CCDC80: variants seen among roughly 807,000 people sequenced by gnomAD.
CCDC80 encodes coiled-coil domain-containing protein 80.
CCDC80 carries 49 observed loss-of-function variants against 78.7 expected under a neutral mutation model. That is an observed-to-expected ratio of 0.62 (90% CI 0.50 to 0.79). CCDC80 has a LOEUF of 0.79. Among genes scored for constraint, CCDC80 ranks in the 30% least tolerant of loss-of-function variants. CCDC80 has a pLI of 0.00. For missense variants in CCDC80, 1,205 were observed against 1,198.6 expected, an observed-to-expected ratio of 1.01 and a Z score of -0.08; for synonymous variants, 488 against 447.0, an observed-to-expected ratio of 1.09 and a Z score of -1.16.
At chr3:112,618,905 A>G in intron 4 of CCDC80, 63 bp downstream of exon 4, 2 of 1,548,818 alleles carry the variant, frequency 1.3e-6, no homozygotes, top group Non-Finnish European at 1.8e-6. Flanking sequence ...ACTGTTTAAC[A>G]AAACAATTCA....
rs754350343 is a variant in CCDC80 at position 112,610,223 on chromosome 3, C to T, written c.2322-142G>A. 17 of 703,904 alleles carry T rather than the reference C, an allele frequency of 2.4e-5. No individual in the cohort carries two copies. The African/African-American group carries it at 2.9e-4, about 12-fold the overall frequency. The allele number at this position is 703,904 out of a possible 1,614,324, so 43.6% of individuals were successfully genotyped here. On this transcript the variant is annotated intron_variant, in intron 5 of 7. Coordinates refer to ENST00000206423, the MANE Select transcript of CCDC80 (RefSeq NM_199511.3). ...GAAAAAAACAGAGAACTGTCCCATG[C>T]TTCTCAAAGCCATTAAACTGCATTG...
intron 3 of CCDC80, 80 bp from the exon 4 acceptor site, chr3:112,619,184 G>T: frequency 1.5e-6 from 2 of 1,293,558 alleles, no homozygotes; most frequent in Non-Finnish European, 2.1e-6. Context: ...AAGGCTTTGG[G>T]CCTAATCACA....
At chr3:112,610,915 C>CTTTTTTT (rs11379147) in intron 5 of CCDC80, among the ~76,000 whole-genome samples, 2 of 123,286 alleles carry the variant, frequency 1.6e-5, no homozygotes, top group Non-Finnish European at 3.3e-5. Flanking sequence ...TTCTTTCTTT[C>CTTTTTTT]TTTTTTTTTT....
chr3:112,627,006 T>C (rs1022381160), intron 3 of CCDC80, among the ~76,000 whole-genome samples: 3 of 152,178 alleles, frequency 2.0e-5, no homozygotes, highest in African/African-American at 4.8e-5. Context: ...TCAAAAAACT[T>C]CCCTTGCCCT....
At chr3:112,605,868 G>A (rs1243646210) in intron 7 of CCDC80, 105 bp from the exon 8 acceptor site, 2 of 902,112 alleles carry the variant, frequency 2.2e-6, no homozygotes, top group Admixed American at 2.9e-5. Context: ...GGACCCATGA[G>A]CCTCTTCTCT....
chr3:112,624,731 A>G (rs1380407938), intron 3 of CCDC80, among the ~76,000 whole-genome samples: 1 of 152,204 alleles, frequency 6.6e-6, no homozygotes, highest in East Asian at 1.9e-4. Flanking sequence ...GATTGACTCC[A>G]TCAAATCTTA....
chr3:112,633,467 A>T (rs1422117186), intron 2 of CCDC80, among the ~76,000 whole-genome samples: 1 of 152,046 alleles, frequency 6.6e-6, no homozygotes, highest in East Asian at 1.9e-4. Flanking sequence ...TTACTATATA[A>T]CTGTCACATC....
rs750165764 is a variant in CCDC80, at chr3:112,639,552, G to C, written c.354C>G (p.Ile118Met). ...ACCGAGCTGAGGACCCCTCATCTCT[G>C]ATCATCTCACGCGGAGAGCCCCTGG... ...PAARGSPREM[I>M]RDEGSSARSR... is the part of the protein sequence containing the mutation. Residue 118 changes from isoleucine to methionine, a missense_variant, in exon 2 of 8, where the codon ATC becomes ATG. Ile to Met is a conservative substitution (Grantham distance 10). Coordinates refer to ENST00000206423, the MANE Select transcript of CCDC80 (RefSeq NM_199511.3). The C allele has an allele frequency of 6.2e-7, 1 of 1,614,178 alleles. No individual in the cohort carries two copies. Among genetic ancestry groups the C allele is most frequent in the Non-Finnish European group, 8.5e-7 (1 of 1,180,044 alleles).
At chr3:112,622,226 G>T (rs192141596) in intron 3 of CCDC80, among the ~76,000 whole-genome samples, 1 of 152,108 alleles carries the variant, frequency 6.6e-6, no homozygotes, top group Non-Finnish European at 1.5e-5. Flanking sequence ...TTTCAAAGCC[G>T]GTTTTCTTTC....
rs1171708386 is a variant in CCDC80 at position 112,638,633 on chromosome 3, C to T, written c.1273G>A (p.Glu425Lys). 3 of 1,613,828 alleles carry T rather than the reference C, an allele frequency of 1.9e-6. No individual in the cohort carries two copies. Among genetic ancestry groups the T allele is most frequent in the Non-Finnish European group, 2.5e-6 (3 of 1,180,022 alleles). Residue 425 changes from glutamate (E) to lysine (K), a missense_variant, in exon 2 of 8, where the codon GAG (glutamate) becomes AAG (lysine). Transcript: ENST00000206423. ...YPPSRKDQHR[E>K]RPQTTRRPSK... ...GGCCTCCTGGTTGTCTGTGGCCTCT[C>T]CCTGTGCTGATCCTTCCGGGATGGA...
chr3:112,638,336 G>GCT lies in CCDC80; in HGVS notation c.1568_1569dup (p.Leu524SerfsTer32). On this transcript the variant is annotated frameshift_variant, in exon 2 of 8. Coordinates refer to ENST00000206423, the MANE Select transcript of CCDC80 (RefSeq NM_199511.3). LOFTEE classifies it high-confidence loss of function. ...TTAAGGGGAACATTCCCCACCTGCA[G>GCT]CTCGTCCTCCAGCTGAGAGGCAGTA... 1 of 1,614,108 alleles carries GCT rather than the reference G, an allele frequency of 6.2e-7. No individual in the cohort carries two copies. The highest frequency in any genetic ancestry group is 8.5e-7 in the Non-Finnish European group (1 of 1,180,036).
intron 3 of CCDC80, among the ~76,000 whole-genome samples, chr3:112,629,523 T>A (rs561940076): frequency 6.6e-6 from 1 of 152,274 alleles, no homozygotes; most frequent in African/African-American, 2.4e-5. Context: ...GCCTCATGAG[T>A]CTCACATGCA....
Position 112,608,471 on chromosome 3 carries a change from G to A in CCDC80, c.2426-1215C>T, listed in dbSNP as rs114122670. On this transcript the variant is annotated intron_variant, in intron 6 of 7. Transcript: ENST00000206423. ...TTTAATTATTCATTAATTAATAAAT[G>A]TGAACATGACTTGTTCGCATTTTGG... Among the ~76,000 whole-genome samples, 681 of 152,214 alleles carry A rather than the reference G, an allele frequency of 4.5e-3. 6 individuals carry two copies. Among genetic ancestry groups the A allele is most frequent in the African/African-American group, 0.014 (598 of 41,534 alleles).
intron 5 of CCDC80, among the ~76,000 whole-genome samples, chr3:112,614,586 G>A (rs1935694494): frequency 6.6e-6 from 1 of 151,848 alleles, no homozygotes; most frequent in South Asian, 2.1e-4. Context: ...CTACGGCTGA[G>A]TTGATTTTAA....
intron 5 of CCDC80, among the ~76,000 whole-genome samples, chr3:112,613,054 C>T (rs147514271): frequency 1.3e-5 from 2 of 152,076 alleles, no homozygotes; most frequent in African/African-American, 4.8e-5. Flanking sequence ...CCATCATTAC[C>T]TTTAGTATTG....
chr3:112,607,614 G>A (rs991232063), intron 6 of CCDC80, among the ~76,000 whole-genome samples: 2 of 151,956 alleles, frequency 1.3e-5, no homozygotes, highest in Non-Finnish European at 2.9e-5. Flanking sequence ...GTGAAACCCC[G>A]TCTCTACTAA....
rs1416173150 is a variant in CCDC80, at chr3:112,602,806, A to G, written c.*2611T>C. 1 of 152,258 alleles carries G rather than the reference A, an allele frequency of 6.6e-6. No homozygotes were observed. Among genetic ancestry groups the G allele is most frequent in the Non-Finnish European group, 1.5e-5 (1 of 68,060 alleles). The allele number at this position is 152,258 out of a possible 1,614,324, so 9.4% of individuals were successfully genotyped here. ...CATAAAAGTGCAAAGTAAAGCAGCA[A>G]ATGTTGATGTAGAAGCTGCAGTAAG... is the stretch of plus-strand genomic sequence containing the variant. On this transcript the variant is annotated 3_prime_UTR_variant, in exon 8 of 8. Transcript: ENST00000206423.
chr3:112,605,421 T>TAAGGGTATCC lies in CCDC80; in HGVS notation c.2839_2848dup (p.Tyr950TrpfsTer10). ...TCTAAGGTTACATATTTCTGCTCAG[T>TAAGGGTATCC]AAGGGTATCCATGGTGATAACTCTC... On this transcript the variant is annotated frameshift_variant, in exon 8 of 8. Transcript: ENST00000206423. LOFTEE classifies it high-confidence loss of function. 1.9e-6 allele frequency: 3 copies of TAAGGGTATCC among 1,609,954 alleles called. No homozygotes were observed. The highest frequency in any genetic ancestry group is 2.5e-6 in the Non-Finnish European group (3 of 1,176,900).
intron 5 of CCDC80, among the ~76,000 whole-genome samples, chr3:112,615,794 C>A (rs62264580): frequency 0.035 from 5,381 of 152,248 alleles, 106 homozygotes; most frequent in Non-Finnish European, 0.05. Context: ...ACTCCCACCA[C>A]CACCATGACA....
Sources: gnomAD v4.1 joint callset for allele counts (sites outside exome capture counted in the v4.1 genomes callset) on GRCh38, gnomAD v4.1.1 for gene constraint, MANE v1.5 for transcripts, NCBI Gene and HGNC (gene_info 2026-07-23, HGNC 2026-07-21) for gene names.